MERTK: variants seen among roughly 807,000 people sequenced by gnomAD.
MERTK encodes the protein tyrosine-protein kinase Mer.
MERTK carries 69 observed loss-of-function variants against 99.3 expected under a neutral mutation model. The ratio of observed to expected loss-of-function variants is 0.70; its 90% confidence interval spans 0.57 to 0.85. The LOEUF is 0.85. Ranked by LOEUF, MERTK falls within the 40% of genes least tolerant of loss-of-function variation. The pLI is 0.00. For missense variants in MERTK, 1,125 were observed against 1,249.4 expected (o/e 0.90, Z 1.50); for synonymous variants, 426 against 467.6 (o/e 0.91, Z 1.15).
chr2:112,020,301 C>G (rs147735515), intron 16 of MERTK, among the ~76,000 whole-genome samples: 2 of 152,218 alleles, frequency 1.3e-5, no homozygotes, highest in East Asian at 3.9e-4. Context: ...GAGGGAGAAT[C>G]ATGAAAACTC....
At chr2:111,946,244 T>A (rs1674016696) in intron 3 of MERTK, among the ~76,000 whole-genome samples, 1 of 152,078 alleles carries the variant, frequency 6.6e-6, no homozygotes, top group African/African-American at 2.4e-5. Flanking sequence ...TGCAGCTAAT[T>A]TGGGAAAAAA....
At chr2:112,018,847 T>C (rs1457706319) in intron 15 of MERTK, among the ~76,000 whole-genome samples, 1 of 152,216 alleles carries the variant, frequency 6.6e-6, no homozygotes, top group African/African-American at 2.4e-5. Flanking sequence ...GAATATGTAC[T>C]TGTGGTGCTT....
At chr2:111,904,583 G>T (rs1684103845) in intron 1 of MERTK, among the ~76,000 whole-genome samples, 1 of 151,952 alleles carries the variant, frequency 6.6e-6, no homozygotes, top group African/African-American at 2.4e-5. Context: ...ACCGTGTTGG[G>T]CAGGCTGGTC....
At chr2:111,964,388 TGTGTGTGTGTGC>T (rs1454076970) in intron 4 of MERTK, among the ~76,000 whole-genome samples, 33 of 118,480 alleles carry the variant, frequency 2.8e-4, no homozygotes, top group African/African-American at 4.8e-4. Context: ...TGTGTGTGTG[TGTGTGTGTGTGC>T]GCGCGCGCAC....
At position 112,029,186 on chromosome 2, in the gene MERTK, G is replaced by T; in HGVS notation, c.*322G>T. On this transcript the variant is annotated 3_prime_UTR_variant, in exon 19 of 19. Coordinates refer to ENST00000295408, the MANE Select transcript of MERTK (RefSeq NM_006343.3). ...TTAACATTTGTACAGAGTTGAAGTT[G>T]TTTTTTCAAGTTCTTTTCTTTTTCA... 1 of 1,005,242 alleles carries T rather than the reference G, an allele frequency of 9.9e-7. No homozygotes were observed. Among genetic ancestry groups the T allele is most frequent in the African/African-American group, 1.7e-5 (1 of 57,636 alleles). The allele number at this position is 1,005,242 out of a possible 1,614,324, so 62.3% of individuals were successfully genotyped here. A position where few individuals can be genotyped will look rare whatever the true frequency, so the allele number is the denominator to read the frequency against.
At chr2:112,014,410 C>T (rs1677174528) in intron 15 of MERTK, among the ~76,000 whole-genome samples, 2 of 151,974 alleles carry the variant, frequency 1.3e-5, no homozygotes, top group South Asian at 2.1e-4. Context: ...AGTGATCAGC[C>T]GCCTCGGCCT....
chr2:111,901,710 C>T (rs1261298027), intron 1 of MERTK, among the ~76,000 whole-genome samples: 1 of 151,848 alleles, frequency 6.6e-6, no homozygotes, highest in Non-Finnish European at 1.5e-5. Context: ...CACATACCAC[C>T]ATGCCTGGCT....
chr2:111,919,217 C>T (rs1252405629), intron 1 of MERTK, among the ~76,000 whole-genome samples: 1 of 152,200 alleles, frequency 6.6e-6, no homozygotes, highest in Non-Finnish European at 1.5e-5. Flanking sequence ...GATTTGCGAG[C>T]TCCATCCAGG....
chr2:112,008,273 C>T, intron 13 of MERTK, 110 bp from the exon 14 acceptor site: 1 of 787,694 alleles, frequency 1.3e-6, no homozygotes, highest in Admixed American at 2.0e-5. Context: ...TGTCTCTATA[C>T]TTTCATCTCT....
intron 10 of MERTK, among the ~76,000 whole-genome samples, chr2:112,000,615 A>G (rs1676848899): frequency 6.6e-6 from 1 of 152,220 alleles, no homozygotes; most frequent in African/African-American, 2.4e-5. Flanking sequence ...CTTCTTATCA[A>G]GGGTGCATAT....
At chr2:111,989,378 A>G (rs1054874150) in intron 8 of MERTK, among the ~76,000 whole-genome samples, 6 of 146,872 alleles carry the variant, frequency 4.1e-5, no homozygotes, top group African/African-American at 1.3e-4. Flanking sequence ...TTTTTTTCAG[A>G]CAGAGTCTCG....
In MERTK at chr2:111,978,127, TTTA is replaced by T. The variant is rs1378330613; in HGVS notation, c.1144+2657_1144+2659del. Among the ~76,000 whole-genome samples, 57 of 150,568 alleles carry T rather than the reference TTTA, an allele frequency of 3.8e-4. 1 individual carries two copies. Among genetic ancestry groups the T allele is most frequent in the Non-Finnish European group, 5.9e-5 (4 of 67,908 alleles). Reference sequence around the variant, plus strand: ...ACCCAGCTAATTTTTGGTTTTTTTTTTTATGTTTTGTTTTTTGGTTGTTTTTTG... The same window carrying T: ...ACCCAGCTAATTTTTGGTTTTTTTTTTGTTTTGTTTTTTGGTTGTTTTTTG... On this transcript the variant is annotated intron_variant, in intron 7 of 18. Coordinates refer to ENST00000295408, the MANE Select transcript of MERTK (RefSeq NM_006343.3).
At chr2:111,985,087 G>A (rs1676449282) in intron 8 of MERTK, among the ~76,000 whole-genome samples, 3 of 152,170 alleles carry the variant, frequency 2.0e-5, no homozygotes. Flanking sequence ...ATTTCACAGT[G>A]GCAAACAAAA....
rs760310008 is a variant in MERTK, at chr2:111,945,001, G to T, written c.524G>T (p.Cys175Phe). 1 of 1,613,806 alleles carries T rather than the reference G, an allele frequency of 6.2e-7. No individual in the cohort carries two copies. The highest frequency in any genetic ancestry group is 8.5e-7 in the Non-Finnish European group (1 of 1,179,830). ...VQRSDNGSYI[C>F]KMKINNEEIV... ...CGTTCAGACAATGGGTCGTATATCT[G>T]TAAGATGAAAATAAACAATGAAGAG... is the stretch of plus-strand genomic sequence containing the variant. The change falls in exon 3 of 19, where the codon TGT becomes TTT. Residue 175 changes from cysteine (C) to phenylalanine (F), a missense_variant. Physicochemically the swap from Cys to Phe is radical, Grantham distance 205 (BLOSUM62 -2). Coordinates refer to ENST00000295408, the MANE Select transcript of MERTK (RefSeq NM_006343.3).
At chr2:111,992,116 C>T (rs1039841002) in intron 8 of MERTK, among the ~76,000 whole-genome samples, 11 of 152,148 alleles carry the variant, frequency 7.2e-5, no homozygotes, top group Non-Finnish European at 1.5e-5. Flanking sequence ...ACTCACATTT[C>T]GGAAGGAGTC....
chr2:111,982,693 T>G, intron 7 of MERTK, 149 bp from the exon 8 acceptor site: 1 of 840,554 alleles, frequency 1.2e-6, no homozygotes, highest in South Asian at 1.5e-5. Context: ...AAAATCTTAG[T>G]TGAAAAGGTG....
chr2:111,915,362 T>C (rs913053496), intron 1 of MERTK, among the ~76,000 whole-genome samples: 1 of 152,086 alleles, frequency 6.6e-6, no homozygotes, highest in Admixed American at 6.5e-5. Context: ...TATTGCTTTT[T>C]TTTTCATTTT....
intron 18 of MERTK, among the ~76,000 whole-genome samples, chr2:112,025,385 C>A (rs1474088700): frequency 6.6e-6 from 1 of 152,174 alleles, no homozygotes; most frequent in Non-Finnish European, 1.5e-5. Context: ...ATTGCCCTCA[C>A]ACTATTATTT....
chr2:112,022,334 T>G lies in MERTK; in HGVS notation c.2426T>G (p.Met809Arg). The G allele has an allele frequency of 6.2e-7, 1 of 1,614,170 alleles. No individual in the cohort carries two copies. The highest frequency in any genetic ancestry group is 8.5e-7 in the Non-Finnish European group (1 of 1,180,032). ...TPYPGVQNHE[M>R]YDYLLHGHRL... ...TATCCTGGGGTCCAGAACCATGAGA[T>G]GTATGACTATCTTCTCCATGGCCAC... is the stretch of plus-strand genomic sequence containing the variant. The change falls in exon 18 of 19, where the codon ATG becomes AGG. Residue 809 changes from methionine to arginine, a missense_variant. By Grantham distance (91) the Met-to-Arg change is moderately conservative. Transcript: ENST00000295408.
Sources: gnomAD v4.1 joint callset for allele counts (sites outside exome capture counted in the v4.1 genomes callset) on GRCh38, gnomAD v4.1.1 for gene constraint, MANE v1.5 for transcripts, NCBI Gene and HGNC (gene_info 2026-07-23, HGNC 2026-07-21) for gene names.